SNX10: variants seen among roughly 807,000 people sequenced by gnomAD.
SNX10 encodes the protein sorting nexin-10.
In SNX10, 25 loss-of-function variants were observed where a neutral mutation model predicts 28.5. That is an observed-to-expected ratio of 0.88 (90% CI 0.64 to 1.22). The LOEUF is 1.22. Ranked by LOEUF, SNX10 falls within the 50% of genes most tolerant of loss-of-function variation. SNX10 has a pLI of 0.00. For synonymous variants in SNX10, 62 were observed against 81.4 expected, an observed-to-expected ratio of 0.76 and a Z score of 1.28; for missense variants, 223 against 242.6, an observed-to-expected ratio of 0.92 and a Z score of 0.54.
intron 1 of SNX10, among the ~76,000 whole-genome samples, chr7:26,342,954 C>T (rs919216373): frequency 3.9e-5 from 6 of 152,062 alleles, no homozygotes; most frequent in Non-Finnish European, 8.8e-5. Flanking sequence ...GGACCACAGG[C>T]GCATGCTATC....
Position 26,328,605 on chromosome 7 carries a change from C to T in SNX10, c.-23-17815C>T, listed in dbSNP as rs1787600043. On this transcript the variant is annotated intron_variant, in intron 1 of 6. Transcript: ENST00000338523. Reference sequence around the variant, plus strand: ...GAAGTGCCCTGATTAAAGTGGAAGGCAACAGGGAATCTGTGGCTTCTGCTA... The same window carrying T: ...GAAGTGCCCTGATTAAAGTGGAAGGTAACAGGGAATCTGTGGCTTCTGCTA... Among the ~76,000 whole-genome samples the T allele has an allele frequency of 2.0e-5, 3 of 152,264 alleles. No individual in the cohort carries two copies. The East Asian group carries it at 5.8e-4, about 29-fold the overall frequency.
intron 1 of SNX10, among the ~76,000 whole-genome samples, chr7:26,293,679 C>A (rs1312845945): frequency 1.3e-5 from 2 of 152,190 alleles, no homozygotes; most frequent in African/African-American, 4.8e-5. Context: ...CCATTTCATT[C>A]TCACTTTTGA....
chr7:26,335,882 T>A (rs1787916713), intron 1 of SNX10, among the ~76,000 whole-genome samples: 1 of 150,964 alleles, frequency 6.6e-6, no homozygotes, highest in African/African-American at 2.4e-5. Flanking sequence ...TAGCTGGGAC[T>A]ACAGGCGCCC....
chr7:26,360,056 T>C (rs1789005025), intron 2 of SNX10, among the ~76,000 whole-genome samples: 1 of 152,254 alleles, frequency 6.6e-6, no homozygotes, highest in South Asian at 2.1e-4. Context: ...AACTTCTATG[T>C]ATAACACAAA....
intron 1 of SNX10, among the ~76,000 whole-genome samples, chr7:26,318,786 T>C (rs952526560): frequency 6.6e-6 from 1 of 152,236 alleles, no homozygotes; most frequent in Non-Finnish European, 1.5e-5. Flanking sequence ...TTAATTTTTC[T>C]TGTATACTTA....
At chr7:26,332,951 A>G (rs1009630620) in intron 1 of SNX10, among the ~76,000 whole-genome samples, 2 of 152,160 alleles carry the variant, frequency 1.3e-5, no homozygotes, top group Non-Finnish European at 2.9e-5. Context: ...ACTTGTGCCA[A>G]TACCACAATG....
chr7:26,354,443 C>T (rs1369833336), intron 2 of SNX10, among the ~76,000 whole-genome samples: 1 of 152,214 alleles, frequency 6.6e-6, no homozygotes, highest in East Asian at 1.9e-4. Flanking sequence ...ACCCACCCAC[C>T]AGGCTCAAGC....
chr7:26,333,624 A>G lies in SNX10; in HGVS notation c.-23-12796A>G, dbSNP rs529320882. On this transcript the variant is annotated intron_variant, in intron 1 of 6. Transcript: ENST00000338523. ...CAGGCGTGAGCCACCGCACCCGACT[A>G]TTTTATTCTTTTGATGCTATATTTA... Among the ~76,000 whole-genome samples the G allele has an allele frequency of 3.3e-5, 5 of 152,222 alleles. No individual in the cohort carries two copies. The South Asian group carries it at 1.0e-3, about 32-fold the overall frequency.
intron 1 of SNX10, among the ~76,000 whole-genome samples, chr7:26,320,888 C>G (rs1787284469): frequency 6.6e-6 from 1 of 152,210 alleles, no homozygotes; most frequent in Admixed American, 6.5e-5. Context: ...CTTTGAATTA[C>G]AAGGTATTCC....
In SNX10 at chr7:26,357,327, TA is replaced by T. The variant is rs372771552; in HGVS notation, c.25-3629del. Among the ~76,000 whole-genome samples the T allele has an allele frequency of 3.7e-3, 409 of 109,358 alleles. 3 individuals are homozygous for T. The highest frequency in any genetic ancestry group is 0.029 in the South Asian group (92 of 3,124). The allele number at this position is 109,358 out of a possible 152,430, so 71.7% of individuals were successfully genotyped here. A position where few individuals can be genotyped will look rare whatever the true frequency, so the allele number is the denominator to read the frequency against. On this transcript the variant is annotated intron_variant, in intron 2 of 6. Transcript: ENST00000338523. Reference sequence around the variant, plus strand: ...AAAATAGTAGAAGAAAAGAGAAGATTAAAAAAAAAAAAAAAAAAAGGCAGTA... The same window carrying T: ...AAAATAGTAGAAGAAAAGAGAAGATTAAAAAAAAAAAAAAAAAAGGCAGTA...
At chr7:26,347,906 T>C (rs1002689851) in intron 2 of SNX10, among the ~76,000 whole-genome samples, 1 of 151,922 alleles carries the variant, frequency 6.6e-6, no homozygotes, top group African/African-American at 2.4e-5. Flanking sequence ...GTAAAATGCA[T>C]AAAGTGTTCC....
intron 1 of SNX10, among the ~76,000 whole-genome samples, chr7:26,337,732 C>T (rs1034702638): frequency 3.9e-5 from 6 of 152,356 alleles, no homozygotes; most frequent in African/African-American, 1.2e-4. Flanking sequence ...ACTTAGGTTA[C>T]TTCCACCTCT....
At chr7:26,293,993 G>A (rs77590535) in intron 1 of SNX10, among the ~76,000 whole-genome samples, 5,096 of 152,278 alleles carry the variant, frequency 0.033, 298 homozygotes, top group African/African-American at 0.12. Flanking sequence ...CATTTTGCTC[G>A]TTAAGTTACT....
intron 5 of SNX10, among the ~76,000 whole-genome samples, chr7:26,368,710 A>G (rs1044066952): frequency 1.3e-5 from 2 of 152,180 alleles, no homozygotes; most frequent in Non-Finnish European, 2.9e-5. Flanking sequence ...TTACACACAC[A>G]CGATTTTTAT....
At chr7:26,307,036 T>C (rs910914788) in intron 1 of SNX10, among the ~76,000 whole-genome samples, 2 of 152,210 alleles carry the variant, frequency 1.3e-5, no homozygotes, top group Admixed American at 6.5e-5. Flanking sequence ...TAGGGGGGCA[T>C]TCCCCTCTAA....
At chr7:26,365,234 T>C in intron 5 of SNX10, 89 bp downstream of exon 5, 1 of 779,612 alleles carries the variant, frequency 1.3e-6, no homozygotes, top group Non-Finnish European at 2.2e-6. Flanking sequence ...AGAGTGTTCC[T>C]GTTTCTGAAA....
chr7:26,304,211 C>T (rs997823018), intron 1 of SNX10, among the ~76,000 whole-genome samples: 1 of 152,204 alleles, frequency 6.6e-6, no homozygotes, highest in African/African-American at 2.4e-5. Flanking sequence ...CAGCCTTCCC[C>T]ATCTGAATGA....
chr7:26,327,904 T>C (rs1055024149), intron 1 of SNX10, among the ~76,000 whole-genome samples: 1 of 151,786 alleles, frequency 6.6e-6, no homozygotes, highest in Non-Finnish European at 1.5e-5. Context: ...TATTTTTTTT[T>C]TGTATTTTTA....
At chr7:26,301,821 T>A (rs2127993937) in intron 1 of SNX10, among the ~76,000 whole-genome samples, 1 of 151,590 alleles carries the variant, frequency 6.6e-6, no homozygotes, top group South Asian at 2.1e-4. Context: ...CCCATACCCA[T>A]TTTTTTTTCC....
Sources: allele counts gnomAD v4.1 joint callset (sites outside exome capture counted in the v4.1 genomes callset), GRCh38; gene constraint gnomAD v4.1.1; transcripts MANE v1.5; gene names NCBI Gene and HGNC (gene_info 2026-07-23, HGNC 2026-07-21).